PDE1C: variants seen among roughly 807,000 people sequenced by gnomAD.
The protein encoded by PDE1C is phosphodiesterase 1C.
In PDE1C, 62 loss-of-function variants were observed where a neutral mutation model predicts 93.1. The observed-to-expected ratio is 0.67, with a 90% CI of 0.54 to 0.82. PDE1C has a LOEUF of 0.82. Ranked by LOEUF, PDE1C falls within the 40% of genes least tolerant of loss-of-function variation. The pLI is 0.00. For synonymous variants in PDE1C, 325 were observed against 310.1 expected, an observed-to-expected ratio of 1.05 and a Z score of -0.50; for missense variants, 742 against 884.6, an observed-to-expected ratio of 0.84 and a Z score of 2.04.
intron 1 of PDE1C, among the ~76,000 whole-genome samples, chr7:32,335,985 T>C (rs1356874353): frequency 3.3e-5 from 5 of 152,152 alleles, no homozygotes; most frequent in African/African-American, 7.2e-5. Context: ...TCACCACACC[T>C]GGCCTTAATT....
At chr7:32,347,718 A>G (rs1440352487) in intron 1 of PDE1C, among the ~76,000 whole-genome samples, 1 of 152,182 alleles carries the variant, frequency 6.6e-6, no homozygotes, top group African/African-American at 2.4e-5. Context: ...AGAAGTCTTT[A>G]TTTGAAAGCC....
At chr7:31,763,567 C>T (rs966196012) in intron 17 of PDE1C, among the ~76,000 whole-genome samples, 3 of 152,108 alleles carry the variant, frequency 2.0e-5, no homozygotes, top group Non-Finnish European at 2.9e-5. Flanking sequence ...TTCTTTCTTC[C>T]TTTTTTAAAA....
intron 1 of PDE1C, among the ~76,000 whole-genome samples, chr7:32,375,210 T>C (rs753765849): frequency 3.7e-4 from 57 of 152,206 alleles, no homozygotes; most frequent in Non-Finnish European, 7.5e-4. Context: ...GAGAGAAGCA[T>C]AGTCCTTCAG....
chr7:32,257,224 G>GA (rs980815372), intron 1 of PDE1C, among the ~76,000 whole-genome samples: 18 of 151,952 alleles, frequency 1.2e-4, no homozygotes, highest in African/African-American at 3.6e-4. Flanking sequence ...AGAGAAAGGA[G>GA]AAAAAAAACA....
At chr7:31,943,736 G>A (rs1409870860) in intron 2 of PDE1C, among the ~76,000 whole-genome samples, 1 of 151,980 alleles carries the variant, frequency 6.6e-6, no homozygotes. Context: ...CTCCTGCCAA[G>A]GAATCTAAAA....
At chr7:31,638,193 G>A in the PDE1C span, among the ~76,000 whole-genome samples, 1 of 152,140 alleles carries the variant, frequency 6.6e-6, no homozygotes, top group South Asian at 2.1e-4. Context: ...GGAGGAAAAC[G>A]GGTGGTATTT....
At chr7:32,082,510 G>A (rs1796751574) in intron 3 of PDE1C, among the ~76,000 whole-genome samples, 1 of 152,254 alleles carries the variant, frequency 6.6e-6, no homozygotes, top group African/African-American at 2.4e-5. Flanking sequence ...GAAGAGAGCA[G>A]CATGCAGCTG....
chr7:32,304,197 G>A (rs560724384), upstream of PDE1C, among the ~76,000 whole-genome samples: 5 of 152,138 alleles, frequency 3.3e-5, no homozygotes, highest in East Asian at 3.9e-4. Context: ...GTAACCACCC[G>A]ACTTGAAGCC....
rs182483874 is a variant in PDE1C, at chr7:31,830,124, G to A, written c.1204-1751C>T. On this transcript the variant is annotated intron_variant, in intron 11 of 17. Coordinates refer to ENST00000396191, the MANE Select transcript of PDE1C (RefSeq NM_001191057.4). ...GCTTTGTATTTAATTGAGCTGTGTA[G>A]ACTCGACTAATAAAAGCTTATTTTT... 3.5e-3 allele frequency among the ~76,000 whole-genome samples: 538 copies of A among 151,774 alleles called. 3 individuals carry two copies. Among genetic ancestry groups the A allele is most frequent in the Non-Finnish European group, 5.5e-3 (375 of 67,976 alleles).
At chr7:31,803,164 C>G (rs1015465615) in intron 16 of PDE1C, among the ~76,000 whole-genome samples, 3 of 151,688 alleles carry the variant, frequency 2.0e-5, no homozygotes, top group African/African-American at 4.8e-5. Context: ...ATCCAGTGTA[C>G]TCACCATTAA....
rs1256433714 is a variant in PDE1C, at chr7:31,790,290, T to A, written c.1892-14558A>T. The A allele has an allele frequency of 2.0e-5, 32 of 1,586,618 alleles. 2 individuals are homozygous for A. The Admixed American group carries it at 5.0e-4, about 25-fold the overall frequency. ...AAAAAGAAAAAGAAAAAGAAAAGTGTCAATGCTGCCTTTCCCCCCGCCCAC... is the reference window on the plus strand; with the variant it reads ...AAAAAGAAAAAGAAAAAGAAAAGTGACAATGCTGCCTTTCCCCCCGCCCAC... On this transcript the variant is annotated intron_variant, in intron 16 of 17. Transcript: ENST00000396191.
intron 9 of PDE1C, among the ~76,000 whole-genome samples, chr7:31,844,249 T>A (rs1792268504): frequency 6.6e-6 from 1 of 151,608 alleles, no homozygotes; most frequent in Non-Finnish European, 1.5e-5. Flanking sequence ...ATCTAAAAAT[T>A]AATAAAATAT....
chr7:32,254,767 A>C (rs1375231036), intron 1 of PDE1C, among the ~76,000 whole-genome samples: 1 of 152,036 alleles, frequency 6.6e-6, no homozygotes, highest in African/African-American at 2.4e-5. Context: ...AGATCTCAGA[A>C]ACCCCTGCTA....
the PDE1C span, among the ~76,000 whole-genome samples, chr7:31,671,472 A>T: frequency 6.6e-6 from 1 of 152,200 alleles, no homozygotes. Context: ...GTTTCCAAGT[A>T]ACATTGTATC....
At chr7:32,160,927 T>C (rs1299730980) in intron 3 of PDE1C, among the ~76,000 whole-genome samples, 2 of 152,136 alleles carry the variant, frequency 1.3e-5, no homozygotes, top group Non-Finnish European at 2.9e-5. Flanking sequence ...TGCCTATATT[T>C]TAGGCTTCCA....
intron 3 of PDE1C, among the ~76,000 whole-genome samples, chr7:32,101,217 A>T (rs1317270675): frequency 6.6e-6 from 1 of 152,208 alleles, no homozygotes; most frequent in African/African-American, 2.4e-5. Context: ...TCTCACAGGG[A>T]TTCCCCACAC....
intron 3 of PDE1C, among the ~76,000 whole-genome samples, chr7:32,081,690 T>C (rs1035869512): frequency 6.6e-6 from 1 of 152,218 alleles, no homozygotes; most frequent in African/African-American, 2.4e-5. Context: ...GTGGAATTAG[T>C]TGGTTAAGAG....
intron 1 of PDE1C, among the ~76,000 whole-genome samples, chr7:32,406,865 C>A (rs1435133493): frequency 6.6e-6 from 1 of 152,168 alleles, no homozygotes; most frequent in Admixed American, 6.5e-5. Flanking sequence ...AGATAGACAG[C>A]GTCCTGGTGA....
chr7:32,380,041 C>T (rs190533220), intron 1 of PDE1C, among the ~76,000 whole-genome samples: 4 of 152,222 alleles, frequency 2.6e-5, no homozygotes, highest in East Asian at 1.9e-4. Flanking sequence ...CAGTTTTCCC[C>T]CTATCTATTG....
Sources: allele counts gnomAD v4.1 joint callset (sites outside exome capture counted in the v4.1 genomes callset), GRCh38; gene constraint gnomAD v4.1.1; transcripts MANE v1.5; gene names NCBI Gene and HGNC (gene_info 2026-07-23, HGNC 2026-07-21).